The following CNTF variants were observed in gnomAD, a reference collection of about 807,000 sequenced individuals.
The protein encoded by CNTF is Ciliary Neuronotrophic Factor.
In CNTF, 14 loss-of-function variants were observed where a neutral mutation model predicts 13.0. The observed-to-expected ratio is 1.07, with a 90% CI of 0.71 to 1.68. The LOEUF (loss-of-function observed/expected upper bound fraction) is 1.68. CNTF is among the 40% of genes most tolerant of loss of function. The pLI, the probability that CNTF is intolerant of heterozygous loss-of-function variation, is 0.00. For missense variants in CNTF, 283 were observed against 252.5 expected, an observed-to-expected ratio of 1.12 and a Z score of -0.82; for synonymous variants, 98 against 92.4, an observed-to-expected ratio of 1.06 and a Z score of -0.35.
chr11:58,622,802 G>C lies in CNTF; in HGVS notation c.50G>C (p.Cys17Ser). Reference protein sequence around the residue: ...SPLTPHRRDLCSRSIWLARKI... With the variant: ...SPLTPHRRDLSSRSIWLARKI... ...CTGACCCCTCACCGTCGGGACCTCT[G>C]TAGCCGCTCTATCTGGCTAGCAAGG... The change falls in exon 1 of 2, where the codon TGT becomes TCT. Residue 17 changes from cysteine (C) to serine (S), a missense_variant. By Grantham distance (112) the Cys-to-Ser change is moderately radical. Coordinates refer to ENST00000361987, the MANE Select transcript of CNTF (RefSeq NM_000614.4). The C allele has an allele frequency of 6.2e-7, 1 of 1,613,930 alleles. No individual in the cohort carries two copies. Among genetic ancestry groups the C allele is most frequent in the East Asian group, 2.2e-5 (1 of 44,874 alleles).
Position 58,625,158 on chromosome 11 carries a change from G to A in CNTF, c.*636G>A, listed in dbSNP as rs1590637984. ...ACACAGCTAACAAGTAGCACACTGA[G>A]TTTGAACACAGATCATTCTCCTTGT... On this transcript the variant is annotated 3_prime_UTR_variant, in exon 2 of 2. Coordinates refer to ENST00000361987, the MANE Select transcript of CNTF (RefSeq NM_000614.4). The A allele has an allele frequency of 1.3e-5, 2 of 152,580 alleles. No homozygotes were observed. The highest frequency in any genetic ancestry group is 4.8e-5 in the African/African-American group (2 of 41,448). 9.5% of individuals were successfully genotyped at this position (152,580 alleles called of 1,614,324 possible). A position where few individuals can be genotyped will look rare whatever the true frequency, so the allele number is the denominator to read the frequency against.
intron 1 of CNTF, 149 bp from the exon 2 acceptor site, chr11:58,623,885 T>TA (rs1356299641): frequency 5.8e-6 from 6 of 1,036,158 alleles, no homozygotes; most frequent in South Asian, 4.2e-5. Context: ...GAGCCCAAAT[T>TA]AAGAGTTCCT....
chr11:58,624,677 TACAG>T lies in CNTF; in HGVS notation c.*156_*159del. ...GACCACCTGCAGCCTGTTGAAGGAC[TACAG>T]GTATTTTCATCAAGTAGCGTTGGAG... On this transcript the variant is annotated 3_prime_UTR_variant, in exon 2 of 2. Transcript: ENST00000361987. 1.2e-6 allele frequency: 1 copy of T among 804,374 alleles called. No individual in the cohort carries two copies. The highest frequency in any genetic ancestry group is 2.0e-6 in the Non-Finnish European group (1 of 511,138). 49.8% of individuals were successfully genotyped at this position (804,374 alleles called of 1,614,324 possible). A position where few individuals can be genotyped will look rare whatever the true frequency, so the allele number is the denominator to read the frequency against.
chr11:58,622,771 T>C lies in CNTF; in HGVS notation c.19T>C (p.Ser7Pro). The change falls in exon 1 of 2, where the codon TCA becomes CCA. Residue 7 changes from serine (S) to proline (P), a missense_variant. Ser to Pro is a moderately conservative substitution (Grantham distance 74, BLOSUM62 -1). Coordinates refer to ENST00000361987, the MANE Select transcript of CNTF (RefSeq NM_000614.4). Reference sequence around the variant, plus strand: ...TTAAGGGATGGCTTTCACAGAGCATTCACCGCTGACCCCTCACCGTCGGGA... The same window carrying C: ...TTAAGGGATGGCTTTCACAGAGCATCCACCGCTGACCCCTCACCGTCGGGA... MAFTEH[S>P]PLTPHRRDLC... 1.2e-6 allele frequency: 2 copies of C among 1,613,940 alleles called. No homozygotes were observed. Among genetic ancestry groups the C allele is most frequent in the Non-Finnish European group, 1.7e-6 (2 of 1,179,880 alleles).
chr11:58,623,078 G>T (rs1384880355), intron 1 of CNTF, among the ~76,000 whole-genome samples: 1 of 152,086 alleles, frequency 6.6e-6, no homozygotes, highest in African/African-American at 2.4e-5. Context: ...ACTTGAATGA[G>T]AAAATATATA....
At position 58,624,443 on chromosome 11, in the gene CNTF, A is replaced by C. The variant is rs1178808947; in HGVS notation, c.524A>C (p.Asp175Ala). 2 of 1,613,880 alleles carry C rather than the reference A, an allele frequency of 1.2e-6. No individual in the cohort carries two copies. Among genetic ancestry groups the C allele is most frequent in the Non-Finnish European group, 1.7e-6 (2 of 1,179,932 alleles). ...LSQWTVRSIH[D>A]LRFISSHQTG... Reference sequence around the variant, plus strand: ...CAGTGGACAGTAAGGTCCATCCATGACCTTCGTTTCATTTCTTCTCATCAG... The same window carrying C: ...CAGTGGACAGTAAGGTCCATCCATGCCCTTCGTTTCATTTCTTCTCATCAG... The change falls in exon 2 of 2, where the codon GAC (aspartate) becomes GCC (alanine). Residue 175 changes from aspartate (D) to alanine (A), a missense_variant. Asp to Ala is a moderately radical substitution (Grantham distance 126, BLOSUM62 -2). Transcript: ENST00000361987.
At position 58,625,665 on chromosome 11, in the gene CNTF, A is replaced by G. The variant is rs947367837; in HGVS notation, c.*1143A>G. On this transcript the variant is annotated 3_prime_UTR_variant, in exon 2 of 2. Transcript: ENST00000361987. Reference sequence around the variant, plus strand: ...TAGTCATGAGGAGAGGGTGAGGCCCACTCTGTTCCTACTGGAGATACCAGA... The same window carrying G: ...TAGTCATGAGGAGAGGGTGAGGCCCGCTCTGTTCCTACTGGAGATACCAGA... 2 of 152,066 alleles carry G rather than the reference A, an allele frequency of 1.3e-5. No individual in the cohort carries two copies. The highest frequency in any genetic ancestry group is 2.9e-5 in the Non-Finnish European group (2 of 68,008). The allele number at this position is 152,066 out of a possible 1,614,324, so 9.4% of individuals were successfully genotyped here. A position where few individuals can be genotyped will look rare whatever the true frequency, so the allele number is the denominator to read the frequency against.
intron 1 of CNTF, 126 bp from the exon 2 acceptor site, chr11:58,623,905 ATAT>A (rs1430311416): frequency 2.4e-6 from 3 of 1,272,220 alleles, no homozygotes; most frequent in Admixed American, 2.3e-5. Flanking sequence ...TACTGTAGAC[ATAT>A]TATTTACTTT....
At chr11:58,623,259 A>G (rs541221523) in intron 1 of CNTF, among the ~76,000 whole-genome samples, 1 of 152,350 alleles carries the variant, frequency 6.6e-6, no homozygotes, top group African/African-American at 2.4e-5. Context: ...TAGGAAGAGT[A>G]CTATGAACGT....
In CNTF at chr11:58,622,771, T is replaced by A; in HGVS notation, c.19T>A (p.Ser7Thr). The change falls in exon 1 of 2, where the codon TCA becomes ACA. Residue 7 changes from serine (S) to threonine (T), a missense_variant. By Grantham distance (58) the Ser-to-Thr change is moderately conservative. Coordinates refer to ENST00000361987, the MANE Select transcript of CNTF (RefSeq NM_000614.4). ...TTAAGGGATGGCTTTCACAGAGCAT[T>A]CACCGCTGACCCCTCACCGTCGGGA... The part of the protein sequence containing the change: MAFTEH[S>T]PLTPHRRDLC... The A allele has an allele frequency of 6.2e-7, 1 of 1,613,940 alleles. No homozygotes were observed. The highest frequency in any genetic ancestry group is 1.1e-5 in the South Asian group (1 of 91,054).
In CNTF at chr11:58,624,465, TC is replaced by T. The variant is rs1343910976; in HGVS notation, c.547del (p.Gln183ArgfsTer21). On this transcript the variant is annotated frameshift_variant, in exon 2 of 2. Transcript: ENST00000361987. LOFTEE classifies it high-confidence loss of function. ...ATGACCTTCGTTTCATTTCTTCTCA[TC>T]AGACTGGGATCCCAGCACGTGGGAG... ...IHDLRFISSH[Q>X]TGIPARGSHY... 6.8e-6 allele frequency: 11 copies of T among 1,613,918 alleles called. No individual in the cohort carries two copies. In the East Asian group the frequency reaches 2.2e-4, roughly 33 times the overall value.
At chr11:58,622,995 G>A in intron 1 of CNTF, 129 bp downstream of exon 1, 3 of 744,250 alleles carry the variant, frequency 4.0e-6, no homozygotes, top group Non-Finnish European at 7.2e-6. Flanking sequence ...TAGGTTATTT[G>A]ACATGGGCCC....
At position 58,624,608 on chromosome 11, in the gene CNTF, C is replaced by A; in HGVS notation, c.*86C>A. The A allele has an allele frequency of 6.6e-7, 1 of 1,519,504 alleles. No homozygotes were observed. The highest frequency in any genetic ancestry group is 9.0e-7 in the Non-Finnish European group (1 of 1,110,940). The allele number at this position is 1,519,504 out of a possible 1,614,324, so 94.1% of individuals were successfully genotyped here. Reference sequence around the variant, plus strand: ...GGCCTCGCTTTCCCATCTTAAATTTCTAAAAACAGTTAAGACAACAGGCAT... The same window carrying A: ...GGCCTCGCTTTCCCATCTTAAATTTATAAAAACAGTTAAGACAACAGGCAT... On this transcript the variant is annotated 3_prime_UTR_variant, in exon 2 of 2. Coordinates refer to ENST00000361987, the MANE Select transcript of CNTF (RefSeq NM_000614.4).
chr11:58,624,579 C>G lies in CNTF; in HGVS notation c.*57C>G. ...CTTCTAATGGAATATGCGTAGTTCC[C>G]TGGGGCCTCGCTTTCCCATCTTAAA... On this transcript the variant is annotated 3_prime_UTR_variant, in exon 2 of 2. Coordinates refer to ENST00000361987, the MANE Select transcript of CNTF (RefSeq NM_000614.4). 1.3e-6 allele frequency: 2 copies of G among 1,591,578 alleles called. No individual in the cohort carries two copies. Among genetic ancestry groups the G allele is most frequent in the Admixed American group, 3.4e-5 (2 of 59,118 alleles).
rs1353534015 is a variant in CNTF, at chr11:58,624,398, A to G, written c.479A>G (p.Lys160Arg). Residue 160 changes from lysine to arginine, a missense_variant, in exon 2 of 2, where the codon AAG becomes AGG. Transcript: ENST00000361987. ...GLFEKKLWGL[K>R]VLQELSQWTV... ...TTTGAGAAGAAGCTGTGGGGCCTAA[A>G]GGTGCTGCAGGAGCTTTCACAGTGG... 6.2e-7 allele frequency: 1 copy of G among 1,614,022 alleles called. No individual in the cohort carries two copies. The highest frequency in any genetic ancestry group is 1.1e-5 in the South Asian group (1 of 91,066).
At position 58,624,309 on chromosome 11, in the gene CNTF, G is replaced by A; in HGVS notation, c.390G>A (p.Leu130=). ...AGATAGAGGAGTTAATGATACTCCT[G>A]GAATACAAGATCCCCCGCAATGAGG... The part of the protein sequence containing the change: ...AYQIEELMIL[L]EYKIPRNEAD... The change falls in exon 2 of 2, where the codon CTG becomes CTA. Residue 130 remains leucine (L), a synonymous_variant. Transcript: ENST00000361987. 6.2e-7 allele frequency: 1 copy of A among 1,613,742 alleles called. No individual in the cohort carries two copies. Among genetic ancestry groups the A allele is most frequent in the Non-Finnish European group, 8.5e-7 (1 of 1,179,930 alleles).
In CNTF at chr11:58,622,810, T is replaced by A; in HGVS notation, c.58T>A (p.Ser20Thr). Residue 20 changes from serine to threonine, a missense_variant, in exon 1 of 2, where the codon TCT becomes ACT. Physicochemically the swap from Ser to Thr is moderately conservative, Grantham distance 58. Coordinates refer to ENST00000361987, the MANE Select transcript of CNTF (RefSeq NM_000614.4). ...TPHRRDLCSR[S>T]IWLARKIRSD... ...TCACCGTCGGGACCTCTGTAGCCGC[T>A]CTATCTGGCTAGCAAGGAAGATTCG... 3.1e-6 allele frequency: 5 copies of A among 1,614,072 alleles called. No homozygotes were observed. Among genetic ancestry groups the A allele is most frequent in the Non-Finnish European group, 4.2e-6 (5 of 1,179,954 alleles).
Position 58,624,114 on chromosome 11 carries a change from T to A in CNTF, c.195T>A (p.Ser65Arg). ...GMPVASTDQW[S>R]ELTEAERLQE... ...CAGTGGCAAGCACTGATCAGTGGAG[T>A]GAGCTGACCGAGGCAGAGCGACTCC... The change falls in exon 2 of 2, where the codon AGT becomes AGA. Residue 65 changes from serine (S) to arginine (R), a missense_variant. Transcript: ENST00000361987. 1 of 1,612,126 alleles carries A rather than the reference T, an allele frequency of 6.2e-7. No individual in the cohort carries two copies. Among genetic ancestry groups the A allele is most frequent in the Non-Finnish European group, 8.5e-7 (1 of 1,178,890 alleles).
At chr11:58,622,901 T>C (rs2065654876) in intron 1 of CNTF, 35 bp downstream of exon 1, 2 of 1,470,784 alleles carry the variant, frequency 1.4e-6, no homozygotes, top group Non-Finnish European at 1.9e-6. Context: ...CTGTTTTCCC[T>C]TCATCTTTTT....
Sources: gnomAD v4.1 joint callset for allele counts (sites outside exome capture counted in the v4.1 genomes callset) on GRCh38, gnomAD v4.1.1 for gene constraint, MANE v1.5 for transcripts, NCBI Gene and HGNC (gene_info 2026-07-23, HGNC 2026-07-21) for gene names.